The following MKX variants were observed in gnomAD, a reference collection of about 807,000 sequenced individuals.
MKX encodes the protein homeobox protein Mohawk.
MKX carries 13 observed loss-of-function variants against 36.0 expected under a neutral mutation model. That is an observed-to-expected ratio of 0.36 (90% CI 0.24 to 0.57). The LOEUF is 0.57. Among genes scored for constraint, MKX ranks in the 20% least tolerant of loss-of-function variants. The probability of loss-of-function intolerance (pLI) is 0.79; values close to 1 mark genes in which losing one functional copy is unlikely to be tolerated. For synonymous variants in MKX, 176 were observed against 178.3 expected (o/e 0.99, Z 0.10); for missense variants, 458 against 456.4 (o/e 1.00, Z -0.03).
chr10:27,694,527 A>AATATATATATAT (rs1554770422), intron 5 of MKX, among the ~76,000 whole-genome samples: 18 of 114,324 alleles, frequency 1.6e-4, no homozygotes, highest in East Asian at 5.0e-4. Context: ...AAAAAAAAAA[A>AATATATATATAT]ATATATATAT....
chr10:27,703,759 G>C (rs1020962302), intron 5 of MKX, among the ~76,000 whole-genome samples: 1 of 151,976 alleles, frequency 6.6e-6, no homozygotes, highest in African/African-American at 2.4e-5. Flanking sequence ...AATTATCCAG[G>C]CATGGTGGCG....
rs752500845 is a variant in MKX, at chr10:27,743,286, C to G, written c.130G>C (p.Gly44Arg). The change falls in exon 2 of 7, where the codon GGC (glycine) becomes CGC (arginine). Residue 44 changes from glycine (G) to arginine (R), a missense_variant. Physicochemically the swap from Gly to Arg is moderately radical, Grantham distance 125 (BLOSUM62 -2). This residue lies in a region of MKX where 149 missense variants were observed against 114.3 expected (regional missense o/e 1.30). Coordinates refer to ENST00000419761, the MANE Select transcript of MKX (RefSeq NM_173576.3). ...LDSPHARPEV[G>R]IPDGPPLKDN... is the part of the protein sequence containing the mutation. Reference sequence around the variant, plus strand: ...TTGAGGGGCGGGCCGTCGGGAATGCCCACCTCGGGGCGGGCGTGAGGACTG... The same window carrying G: ...TTGAGGGGCGGGCCGTCGGGAATGCGCACCTCGGGGCGGGCGTGAGGACTG... 56 of 1,552,040 alleles carry G rather than the reference C, an allele frequency of 3.6e-5. No individual in the cohort carries two copies. Among genetic ancestry groups the G allele is most frequent in the Non-Finnish European group, 4.6e-5 (53 of 1,155,360 alleles).
chr10:27,705,108 G>T (rs563824459), intron 5 of MKX, among the ~76,000 whole-genome samples: 1 of 152,198 alleles, frequency 6.6e-6, no homozygotes, highest in Non-Finnish European at 1.5e-5. Flanking sequence ...TCACCAATCA[G>T]ATGGATAAAA....
intron 5 of MKX, among the ~76,000 whole-genome samples, chr10:27,683,968 A>C (rs1269163750): frequency 6.6e-6 from 1 of 152,112 alleles, no homozygotes; most frequent in Non-Finnish European, 1.5e-5. Context: ...GGGCTTCCAT[A>C]CCCATCTACA....
In MKX at chr10:27,745,221, A is replaced by G. The variant is rs574590189; in HGVS notation, c.-83+486T>C. On this transcript the variant is annotated intron_variant, in intron 1 of 6. Coordinates refer to ENST00000419761, the MANE Select transcript of MKX (RefSeq NM_173576.3). ...TAGCCACCTCGGACACTTCCCCGGC[A>G]GCCCCAAGCCCACGCAGAGATCGCA... 3.3e-3 allele frequency among the ~76,000 whole-genome samples: 501 copies of G among 152,174 alleles called. 3 individuals are homozygous for G. The highest frequency in any genetic ancestry group is 0.02 in the Middle Eastern group (6 of 294).
At chr10:27,683,721 G>A (rs1589653505) in intron 5 of MKX, among the ~76,000 whole-genome samples, 1 of 152,330 alleles carries the variant, frequency 6.6e-6, no homozygotes, top group South Asian at 2.1e-4. Flanking sequence ...GAGAGCCTCT[G>A]GGGATACCAG....
intron 5 of MKX, among the ~76,000 whole-genome samples, chr10:27,711,455 C>CTT (rs1242126531): frequency 2.1e-4 from 3 of 14,342 alleles, no homozygotes; most frequent in Non-Finnish European, 6.7e-4. Context: ...TTCTTTCTTT[C>CTT]TTTCTTTCTT....
intron 5 of MKX, among the ~76,000 whole-genome samples, chr10:27,709,514 C>T (rs532784739): frequency 1.3e-5 from 2 of 152,256 alleles, no homozygotes; most frequent in Non-Finnish European, 2.9e-5. Flanking sequence ...ACCAGTTCTT[C>T]GCACTGATTT....
chr10:27,691,755 C>G (rs930457148), intron 5 of MKX, among the ~76,000 whole-genome samples: 13 of 152,120 alleles, frequency 8.5e-5, no homozygotes, highest in East Asian at 3.9e-4. Flanking sequence ...TTCTTTGTGT[C>G]TATGTGTACT....
chr10:27,678,427 G>T (rs186141884), intron 5 of MKX, among the ~76,000 whole-genome samples: 49 of 152,334 alleles, frequency 3.2e-4, no homozygotes, highest in African/African-American at 1.0e-3. Flanking sequence ...ATTTCCGTGA[G>T]GCTTAAATAA....
At chr10:27,696,663 G>A (rs1157821168) in intron 5 of MKX, among the ~76,000 whole-genome samples, 1 of 151,936 alleles carries the variant, frequency 6.6e-6, no homozygotes, top group African/African-American at 2.4e-5. Context: ...AATCTTCACC[G>A]AGAGTGAGAA....
chr10:27,740,054 T>C (rs1292357313), intron 3 of MKX, among the ~76,000 whole-genome samples: 2 of 152,242 alleles, frequency 1.3e-5, no homozygotes, highest in African/African-American at 4.8e-5. Flanking sequence ...TACCATTGCC[T>C]GATAATATGA....
chr10:27,721,286 C>A (rs552649651), intron 5 of MKX, among the ~76,000 whole-genome samples: 2 of 151,940 alleles, frequency 1.3e-5, no homozygotes, highest in African/African-American at 4.8e-5. Flanking sequence ...AGTAGACATA[C>A]CCTGTCATAC....
In MKX at chr10:27,734,608, TC is replaced by T. The variant is rs764110595; in HGVS notation, c.685del (p.Asp229ThrfsTer3). ...KSSLLNRYLN[D>X]SLRHVMATNT... ...CGTGGCCATGACATGTCTCAAAGAG[TC>T]ATTAAGGTAACGGTTCAACAAGCTG... On this transcript the variant is annotated frameshift_variant, in exon 5 of 7. Coordinates refer to ENST00000419761, the MANE Select transcript of MKX (RefSeq NM_173576.3). LOFTEE classifies it high-confidence loss of function. The T allele has an allele frequency of 6.2e-7, 1 of 1,614,004 alleles. No homozygotes were observed. Among genetic ancestry groups the T allele is most frequent in the Admixed American group, 1.7e-5 (1 of 59,992 alleles).
At chr10:27,707,546 C>T (rs1367359155) in intron 5 of MKX, among the ~76,000 whole-genome samples, 4 of 152,030 alleles carry the variant, frequency 2.6e-5, no homozygotes, top group East Asian at 1.9e-4. Flanking sequence ...AACATGAGGA[C>T]GCGGGAACCC....
In MKX at chr10:27,741,294, C is replaced by T; in HGVS notation, c.348+51G>A. The T allele has an allele frequency of 1.2e-6, 2 of 1,604,926 alleles. No individual in the cohort carries two copies. The highest frequency in any genetic ancestry group is 8.5e-7 in the Non-Finnish European group (1 of 1,175,726). ...CACACGAACTCTAAGCGTTCCCGCT[C>T]TTCAGCCCCTCGCGGGAAAACGGAT... On this transcript the variant is annotated intron_variant, in intron 3 of 6. Coordinates refer to ENST00000419761, the MANE Select transcript of MKX (RefSeq NM_173576.3). The surrounding 1 kb of genome is among the most constrained non-coding windows in gnomAD (Gnocchi z 5.1).
intron 5 of MKX, among the ~76,000 whole-genome samples, chr10:27,717,951 A>G (rs1836994770): frequency 6.6e-6 from 1 of 152,228 alleles, no homozygotes; most frequent in Non-Finnish European, 1.5e-5. Context: ...CTGCTCTTGG[A>G]AAGATCTTGG....
intron 5 of MKX, among the ~76,000 whole-genome samples, chr10:27,733,128 T>A (rs1045301132): frequency 6.6e-6 from 1 of 152,202 alleles, no homozygotes; most frequent in African/African-American, 2.4e-5. Flanking sequence ...ACAATTTCTG[T>A]AATTTTGAGT....
At chr10:27,685,610 G>A (rs552724563) in intron 5 of MKX, among the ~76,000 whole-genome samples, 13 of 151,954 alleles carry the variant, frequency 8.6e-5, no homozygotes, top group Admixed American at 2.6e-4. Context: ...CACCACGCCT[G>A]GCTAATTTTT....
Sources: allele counts gnomAD v4.1 joint callset (sites outside exome capture counted in the v4.1 genomes callset), GRCh38; gene constraint gnomAD v4.1.1; regional missense constraint gnomAD v4.1.1; non-coding constraint Gnocchi (gnomAD v3.1); transcripts MANE v1.5; gene names NCBI Gene and HGNC (gene_info 2026-07-23, HGNC 2026-07-21).